TECPR2: variants seen among roughly 807,000 people sequenced by gnomAD.
TECPR2 encodes the protein tectonin beta-propeller repeat containing 2, also known as tectonin beta-propeller repeat-containing protein 2.
TECPR2 carries 65 observed loss-of-function variants against 138.1 expected under a neutral mutation model. That is an observed-to-expected ratio of 0.47 (90% CI 0.39 to 0.58). The LOEUF is 0.58. TECPR2 is among the 20% of genes least tolerant of loss of function. The pLI, the probability that TECPR2 is intolerant of heterozygous loss-of-function variation, is 0.00. For missense variants in TECPR2, 1,553 were observed against 1,824.5 expected (o/e 0.85, Z 2.71); for synonymous variants, 746 against 749.8 (o/e 0.99, Z 0.08).
intron 2 of TECPR2, among the ~76,000 whole-genome samples, chr14:102,386,337 G>T (rs1888001809): frequency 6.6e-6 from 1 of 152,076 alleles, no homozygotes; most frequent in African/African-American, 2.4e-5. Context: ...GGGTGTGGTG[G>T]CGGGCACCTG....
intron 17 of TECPR2, among the ~76,000 whole-genome samples, chr14:102,487,762 C>T (rs1891064225): frequency 1.3e-5 from 2 of 151,292 alleles, no homozygotes; most frequent in Non-Finnish European, 2.9e-5. Context: ...AGGATGGTCT[C>T]AATCTCCTGA....
At chr14:102,433,994 C>A (rs1889585028) in intron 8 of TECPR2, among the ~76,000 whole-genome samples, 1 of 152,162 alleles carries the variant, frequency 6.6e-6, no homozygotes. Context: ...CCCAGGTGAA[C>A]ATCTCAGTTT....
chr14:102,465,610 TATA>T, intron 17 of TECPR2: 1 of 1,017,692 alleles, frequency 9.8e-7, no homozygotes, highest in Non-Finnish European at 1.2e-6. Context: ...ACCTCTATTT[TATA>T]ATAATAATGA....
At chr14:102,363,309 C>T (rs1251456259) in intron 1 of TECPR2, among the ~76,000 whole-genome samples, 193 bp downstream of exon 1, 4 of 152,180 alleles carry the variant, frequency 2.6e-5, no homozygotes, top group Non-Finnish European at 5.9e-5. Flanking sequence ...TGCCACAACA[C>T]ACGGAGCGCC....
chr14:102,432,247 A>G, intron 8 of TECPR2, 119 bp downstream of exon 8: 1 of 1,054,312 alleles, frequency 9.5e-7, no homozygotes, highest in East Asian at 2.6e-5. Flanking sequence ...GAACACATAC[A>G]TTTCTTCCCC....
chr14:102,448,274 T>G (rs1221037683), intron 13 of TECPR2, among the ~76,000 whole-genome samples: 2 of 152,230 alleles, frequency 1.3e-5, no homozygotes, highest in Non-Finnish European at 2.9e-5. Flanking sequence ...GTAGGGCATT[T>G]ATGCCAGTGA....
intron 7 of TECPR2, among the ~76,000 whole-genome samples, chr14:102,430,902 A>G (rs1028031065): frequency 1.3e-5 from 2 of 152,160 alleles, no homozygotes; most frequent in African/African-American, 2.4e-5. Flanking sequence ...ATCTTAAAGT[A>G]TATTCAAGGC....
intron 17 of TECPR2, among the ~76,000 whole-genome samples, chr14:102,480,326 G>A (rs1465846739): frequency 1.3e-5 from 2 of 151,772 alleles, no homozygotes; most frequent in Non-Finnish European, 2.9e-5. Flanking sequence ...CCGGGTTCAC[G>A]CCATTCTCCT....
intron 17 of TECPR2, among the ~76,000 whole-genome samples, chr14:102,467,153 T>G (rs913358028): frequency 2.6e-5 from 4 of 152,144 alleles, no homozygotes; most frequent in African/African-American, 7.2e-5. Flanking sequence ...TTAGGGAGGA[T>G]GTATGTTCCC....
chr14:102,395,393 G>A (rs1403074976), intron 2 of TECPR2, among the ~76,000 whole-genome samples: 1 of 152,138 alleles, frequency 6.6e-6, no homozygotes, highest in Non-Finnish European at 1.5e-5. Context: ...ATCTTAGCAA[G>A]GTCAAAACAG....
At chr14:102,437,375 C>T (rs1449644972) in intron 9 of TECPR2, among the ~76,000 whole-genome samples, 9 of 152,090 alleles carry the variant, frequency 5.9e-5, no homozygotes, top group Admixed American at 3.3e-4. Flanking sequence ...GGCGAAACCC[C>T]GTCTCTACTA....
At chr14:102,463,531 C>CA (rs1175560295) in intron 16 of TECPR2, among the ~76,000 whole-genome samples, 3 of 150,650 alleles carry the variant, frequency 2.0e-5, no homozygotes, top group East Asian at 2.0e-4. Flanking sequence ...GATTCTGTCT[C>CA]AAAAAAAATA....
chr14:102,454,728 C>A (rs1890233296), intron 16 of TECPR2, among the ~76,000 whole-genome samples: 1 of 152,208 alleles, frequency 6.6e-6, no homozygotes, highest in African/African-American at 2.4e-5. Context: ...GGTAAAAAGT[C>A]CAGGGCTTGG....
intron 16 of TECPR2, among the ~76,000 whole-genome samples, chr14:102,453,681 A>G (rs557288984): frequency 2.6e-5 from 4 of 152,278 alleles, no homozygotes; most frequent in African/African-American, 4.8e-5. Context: ...TGAGCCCTGC[A>G]CTTGCAGCAG....
chr14:102,497,253 C>T, intron 18 of TECPR2, 133 bp downstream of exon 18: 1 of 1,390,460 alleles, frequency 7.2e-7, no homozygotes, highest in Admixed American at 2.8e-5. Flanking sequence ...GCCGCTGCTT[C>T]CTGGGCCAGG....
Position 102,407,555 on chromosome 14 carries a change from T to A in TECPR2, c.348+89T>A, listed in dbSNP as rs1888692806. 2.0e-6 allele frequency: 3 copies of A among 1,470,774 alleles called. No individual in the cohort carries two copies. In the Admixed American group the frequency reaches 6.7e-5, roughly 33 times the overall value. 91.1% of individuals were successfully genotyped at this position (1,470,774 alleles called of 1,614,324 possible). A position where few individuals can be genotyped will look rare whatever the true frequency, so the allele number is the denominator to read the frequency against. On this transcript the variant is annotated intron_variant, in intron 3 of 19. Coordinates refer to ENST00000359520, the MANE Select transcript of TECPR2 (RefSeq NM_014844.5). Reference sequence around the variant, plus strand: ...TAGAAATCCTCATCTGCTTAGAAAGTTTATGCTCAGAGAAAGCCGGGCACG... The same window carrying A: ...TAGAAATCCTCATCTGCTTAGAAAGATTATGCTCAGAGAAAGCCGGGCACG...
chr14:102,368,599 T>G (rs1597758017), intron 1 of TECPR2, among the ~76,000 whole-genome samples: 1 of 152,110 alleles, frequency 6.6e-6, no homozygotes, highest in Non-Finnish European at 1.5e-5. Flanking sequence ...AGATATTTTC[T>G]TCCATTTTGT....
At chr14:102,436,222 TC>T (rs553133516) in intron 9 of TECPR2, among the ~76,000 whole-genome samples, 1 of 152,160 alleles carries the variant, frequency 6.6e-6, no homozygotes, top group Non-Finnish European at 1.5e-5. Context: ...ACCCCCTCAC[TC>T]ACCCTCTGTG....
At chr14:102,482,589 G>C (rs1890916306) in intron 17 of TECPR2, among the ~76,000 whole-genome samples, 1 of 152,096 alleles carries the variant, frequency 6.6e-6, no homozygotes, top group Non-Finnish European at 1.5e-5. Flanking sequence ...CCCGGATCCC[G>C]GGTCTTCCTC....
Sources: allele counts gnomAD v4.1 joint callset (sites outside exome capture counted in the v4.1 genomes callset), GRCh38; gene constraint gnomAD v4.1.1; transcripts MANE v1.5; gene names NCBI Gene and HGNC (gene_info 2026-07-23, HGNC 2026-07-21).